TMC5: variants seen among roughly 807,000 people sequenced by gnomAD.
The protein encoded by TMC5 is transmembrane channel like 5.
A neutral mutation model predicts 110.5 loss-of-function variants in TMC5; 86 were observed. The observed-to-expected ratio is 0.78, with a 90% CI of 0.65 to 0.93. The LOEUF is 0.93. Among genes scored for constraint, TMC5 ranks in the 40% least tolerant of loss-of-function variants. The pLI is 0.00. For synonymous variants in TMC5, 455 were observed against 439.5 expected (o/e 1.04, Z -0.44); for missense variants, 1,144 against 1,222.8 (o/e 0.94, Z 0.96).
Position 19,474,120 on chromosome 16 carries a change from T to C in TMC5, c.1939-5T>C, listed in dbSNP as rs370419722. Reference sequence around the variant, plus strand: ...GCCCTCCGTTCTCTCCCCCATCCCCTGCAGTTCCTGAAGACACACAGTAAC... The same window carrying C: ...GCCCTCCGTTCTCTCCCCCATCCCCCGCAGTTCCTGAAGACACACAGTAAC... On this transcript the variant is annotated splice_region_variant and splice_polypyrimidine_tract_variant and intron_variant, in intron 11 of 21. Coordinates refer to ENST00000542583, the MANE Select transcript of TMC5 (RefSeq NM_001261841.2). 14 of 1,612,976 alleles carry C rather than the reference T, an allele frequency of 8.7e-6. No homozygotes were observed. Among genetic ancestry groups the C allele is most frequent in the African/African-American group, 1.3e-5 (1 of 74,920 alleles).
intron 5 of TMC5, among the ~76,000 whole-genome samples, chr16:19,459,284 T>C (rs924177560): frequency 6.6e-6 from 1 of 151,996 alleles, no homozygotes; most frequent in East Asian, 1.9e-4. Context: ...CTAAACACAA[T>C]TGGAATTCCA....
At chr16:19,472,277 C>G (rs755108714) in intron 11 of TMC5, 34 bp downstream of exon 11, 21 of 1,609,482 alleles carry the variant, frequency 1.3e-5, no homozygotes, top group Non-Finnish European at 1.7e-5. Flanking sequence ...CAGAGAGAAC[C>G]AGGTGAAGGG....
chr16:19,484,862 C>CT (rs963729759), intron 15 of TMC5, among the ~76,000 whole-genome samples: 76 of 143,578 alleles, frequency 5.3e-4, no homozygotes, highest in Admixed American at 6.3e-4. Context: ...AAAAACACAT[C>CT]TTTTTTTTTT....
intron 15 of TMC5, among the ~76,000 whole-genome samples, chr16:19,483,396 T>C (rs546276363): frequency 6.6e-6 from 1 of 152,332 alleles, no homozygotes; most frequent in East Asian, 1.9e-4. Context: ...TGGAACTGGA[T>C]AAACTGAATT....
chr16:19,411,498 T>G (rs1381874430), intron 1 of TMC5: 1 of 152,174 alleles, frequency 6.6e-6, no homozygotes, highest in East Asian at 1.9e-4. Context: ...AGCAATTAAA[T>G]GGAAACTGTG....
intron 3 of TMC5, 57 bp from the exon 4 acceptor site, chr16:19,444,021 ATGG>A: frequency 1.0e-6 from 1 of 963,506 alleles, no homozygotes; most frequent in Non-Finnish European, 1.5e-6. Flanking sequence ...GGATGGATGG[ATGG>A]ATGACAATCC....
intron 5 of TMC5, among the ~76,000 whole-genome samples, chr16:19,459,059 G>GCTCTTTGGGCCT (rs1967956520): frequency 7.3e-6 from 1 of 136,696 alleles, no homozygotes; most frequent in Non-Finnish European, 1.6e-5. Context: ...TTTTTTTTTT[G>GCTCTTTGGGCCT]AGAAGGAAGA....
At chr16:19,428,105 CT>C (rs1268817867) in intron 1 of TMC5, among the ~76,000 whole-genome samples, 1 of 152,084 alleles carries the variant, frequency 6.6e-6, no homozygotes, top group Non-Finnish European at 1.5e-5. Flanking sequence ...CATGAACTTC[CT>C]TCCAAGAAAG....
rs201165505 is a variant in TMC5, at chr16:19,497,150, T to C, written c.2961T>C (p.His987=). The C allele has an allele frequency of 6.2e-7, 1 of 1,614,100 alleles. No individual in the cohort carries two copies. The highest frequency in any genetic ancestry group is 1.3e-5 in the African/African-American group (1 of 75,056). Residue 987 remains histidine, a synonymous_variant, in exon 21 of 22, where the codon CAT becomes CAC. Transcript: ENST00000542583. ...AAGGCTTTTTGCATTTGGGGGAACATGATGGCAGTCTTGGTGAGTAATTAA... is the reference window on the plus strand; with the variant it reads ...AAGGCTTTTTGCATTTGGGGGAACACGATGGCAGTCTTGGTGAGTAATTAA... ...EQQGFLHLGE[H]DGSLDLRSRR...
chr16:19,450,228 C>T (rs1271969254), intron 5 of TMC5, among the ~76,000 whole-genome samples: 1 of 152,198 alleles, frequency 6.6e-6, no homozygotes, highest in African/African-American at 2.4e-5. Flanking sequence ...AGAAACCCAA[C>T]TCAAACAGGC....
At chr16:19,487,045 A>C (rs1341760303) in intron 16 of TMC5, 25 bp downstream of exon 16, 3 of 1,612,892 alleles carry the variant, frequency 1.9e-6, no homozygotes, top group Non-Finnish European at 2.5e-6. Context: ...CATTGCCATC[A>C]ATCAGCTTTG....
Position 19,474,150 on chromosome 16 carries a change from G to C in TMC5, c.1964G>C (p.Gly655Ala). ...TTCCTGAAGACACACAGTAACCCTG[G>C]GGCGGTGCTGTTACTGCCTTTCGTT... ...LEFLKTHSNP[G>A]AVLLLPFVVS... Residue 655 changes from glycine to alanine, a missense_variant, in exon 12 of 22, where the codon GGG becomes GCG. Coordinates refer to ENST00000542583, the MANE Select transcript of TMC5 (RefSeq NM_001261841.2). 5 of 1,613,910 alleles carry C rather than the reference G, an allele frequency of 3.1e-6. No individual in the cohort carries two copies. Among genetic ancestry groups the C allele is most frequent in the Non-Finnish European group, 4.2e-6 (5 of 1,179,994 alleles).
chr16:19,432,734 C>T (rs1967219951), intron 2 of TMC5, among the ~76,000 whole-genome samples: 1 of 152,208 alleles, frequency 6.6e-6, no homozygotes, highest in Non-Finnish European at 1.5e-5. Flanking sequence ...AATACACAAG[C>T]TCTTGTCAAA....
At chr16:19,426,090 T>C (rs724855) in intron 1 of TMC5, among the ~76,000 whole-genome samples, 20,444 of 151,560 alleles carry the variant, frequency 0.13, 1,712 homozygotes, top group East Asian at 0.22. Context: ...TTTGTTATCA[T>C]TGATTTCTAT....
At position 19,486,921 on chromosome 16, in the gene TMC5, ACACT is replaced by A. The variant is rs752950469; in HGVS notation, c.2364-20_2364-17del. The A allele has an allele frequency of 1.9e-5, 30 of 1,608,136 alleles. No individual in the cohort carries two copies. The Admixed American group carries it at 5.0e-4, about 27-fold the overall frequency. ...CTCCTTGTGTCTCCGCCAGCCTCTG[ACACT>A]CACCCTCTCTCCCTCACAGGATTGG... is the stretch of plus-strand genomic sequence containing the variant. On this transcript the variant is annotated intron_variant, in intron 15 of 21. Transcript: ENST00000542583.
intron 15 of TMC5, among the ~76,000 whole-genome samples, chr16:19,482,849 CTTAT>C (rs535102307): frequency 0.018 from 2,722 of 151,814 alleles, 94 homozygotes; most frequent in African/African-American, 0.063. Context: ...GCTGTGTTTC[CTTAT>C]TTATTTATTT....
Position 19,498,932 on chromosome 16 carries a change from A to G in TMC5, c.*966A>G, listed in dbSNP as rs541326831. The G allele has an allele frequency of 2.0e-5, 3 of 152,088 alleles. No individual in the cohort carries two copies. The highest frequency in any genetic ancestry group is 4.4e-5 in the Non-Finnish European group (3 of 68,064). The allele number at this position is 152,088 out of a possible 1,614,324, so 9.4% of individuals were successfully genotyped here. On this transcript the variant is annotated 3_prime_UTR_variant, in exon 22 of 22. Transcript: ENST00000542583. Reference sequence around the variant, plus strand: ...AAAAACTAGCTGGGCGTGGTGGTACATGCCTATAATCCCAGCTACTCGGGA... The same window carrying G: ...AAAAACTAGCTGGGCGTGGTGGTACGTGCCTATAATCCCAGCTACTCGGGA...
intron 13 of TMC5, among the ~76,000 whole-genome samples, chr16:19,478,864 T>C (rs1968549763): frequency 6.6e-6 from 1 of 152,158 alleles, no homozygotes; most frequent in Non-Finnish European, 1.5e-5. Context: ...TTTCCTCTCC[T>C]CCTTCAGCCA....
chr16:19,417,848 GGGC>G (rs1966892951), upstream of TMC5: 1 of 152,188 alleles, frequency 6.6e-6, no homozygotes, highest in Admixed American at 6.5e-5. Flanking sequence ...ATGATAGCCA[GGGC>G]GGCATAAAAC....
Sources: allele counts gnomAD v4.1 joint callset (sites outside exome capture counted in the v4.1 genomes callset), GRCh38; gene constraint gnomAD v4.1.1; transcripts MANE v1.5; gene names NCBI Gene and HGNC (gene_info 2026-07-23, HGNC 2026-07-21).